ZNF609: variants seen among roughly 807,000 people sequenced by gnomAD.
ZNF609 encodes zinc finger protein 609.
ZNF609 carries 11 observed loss-of-function variants against 109.5 expected under a neutral mutation model. The observed-to-expected ratio is 0.10, with a 90% CI of 0.06 to 0.17. ZNF609 has a LOEUF of 0.17. Among genes scored for constraint, ZNF609 ranks in the 10% least tolerant of loss-of-function variants. The probability of loss-of-function intolerance (pLI) is 1.00; values close to 1 mark genes in which losing one functional copy is unlikely to be tolerated. For missense variants in ZNF609, 1,559 were observed against 1,772.4 expected, an observed-to-expected ratio of 0.88 and a Z score of 2.16; for synonymous variants, 646 against 662.0, an observed-to-expected ratio of 0.98 and a Z score of 0.37.
chr15:64,599,987 C>T (rs1895466542), intron 2 of ZNF609, among the ~76,000 whole-genome samples: 1 of 152,168 alleles, frequency 6.6e-6, no homozygotes, highest in Non-Finnish European at 1.5e-5. Context: ...CCTTTGTTCA[C>T]TTCTGTTATG....
intron 2 of ZNF609, among the ~76,000 whole-genome samples, chr15:64,542,809 C>T (rs1894289431): frequency 6.6e-6 from 1 of 152,200 alleles, no homozygotes; most frequent in Non-Finnish European, 1.5e-5. Context: ...TTTTTACCTG[C>T]ATCATTCCAG....
chr15:64,606,586 CT>C (rs1319449275), intron 2 of ZNF609, among the ~76,000 whole-genome samples: 3 of 146,798 alleles, frequency 2.0e-5, no homozygotes, highest in African/African-American at 7.5e-5. Context: ...AACAGAAAAA[CT>C]TTTTATAGAA....
intron 1 of ZNF609, among the ~76,000 whole-genome samples, chr15:64,464,315 T>A (rs57274748): frequency 0.016 from 2,418 of 152,310 alleles, 70 homozygotes; most frequent in African/African-American, 0.055. Context: ...GGAGGCTAAG[T>A]ATAGCAATGA....
rs768867830 is a variant in ZNF609 at position 64,678,471 on chromosome 15, A to G, written c.3758A>G (p.Gln1253Arg). ...CGGAGCATGCCTGCTGTGATGATGC[A>G]GAACTACCCAGGTACAGCACCAAGT... ...SYRSMPAVMM[Q>R]NYPGSYLPSS... Residue 1253 changes from glutamine (Q) to arginine (R), a missense_variant, in exon 6 of 10, where the codon CAG (glutamine) becomes CGG (arginine). Around this residue, in one of 4 missense-constraint regions of ZNF609, gnomAD observed 1,204 missense variants for 1,314.1 expected, o/e 0.92. Coordinates refer to ENST00000326648, the MANE Select transcript of ZNF609 (RefSeq NM_015042.2). The G allele has an allele frequency of 9.5e-6, 15 of 1,582,990 alleles. No individual in the cohort carries two copies. Among genetic ancestry groups the G allele is most frequent in the Non-Finnish European group, 1.3e-5 (15 of 1,163,676 alleles).
intron 2 of ZNF609, among the ~76,000 whole-genome samples, chr15:64,572,271 A>G (rs1041289285): frequency 2.0e-5 from 3 of 152,172 alleles, no homozygotes; most frequent in Admixed American, 2.0e-4. Flanking sequence ...CGAAGTAGGC[A>G]GATCGTTTGA....
chr15:64,528,654 T>C, intron 2 of ZNF609: 1 of 1,072,738 alleles, frequency 9.3e-7, no homozygotes, highest in Non-Finnish European at 1.4e-6. Flanking sequence ...GCTGGGCTGG[T>C]GGTCCAGGGG....
chr15:64,649,373 C>G (rs1896381833), intron 3 of ZNF609, among the ~76,000 whole-genome samples: 1 of 152,124 alleles, frequency 6.6e-6, no homozygotes, highest in Non-Finnish European at 1.5e-5. Context: ...AACTCTGTCT[C>G]ACACATACAC....
chr15:64,604,781 C>T lies in ZNF609; in HGVS notation c.748-18046C>T, dbSNP rs186832713. On this transcript the variant is annotated intron_variant, in intron 2 of 9. Transcript: ENST00000326648. ...TCTTTGCTTACCTCCATTCTGCTTT[C>T]CCCTAATTTGGCTTTATTTAATTTA... Among the ~76,000 whole-genome samples the T allele has an allele frequency of 1.4e-3, 215 of 152,208 alleles. 1 individual carries two copies. Among genetic ancestry groups the T allele is most frequent in the South Asian group, 4.4e-3 (21 of 4,820 alleles).
At chr15:64,618,658 G>A (rs541356482) in intron 2 of ZNF609, among the ~76,000 whole-genome samples, 4 of 152,224 alleles carry the variant, frequency 2.6e-5, no homozygotes, top group South Asian at 2.1e-4. Flanking sequence ...GCTACTCAGC[G>A]GCCCAGGCTC....
intron 2 of ZNF609, among the ~76,000 whole-genome samples, chr15:64,551,599 C>G (rs184163820): frequency 0.014 from 1,893 of 137,244 alleles, 43 homozygotes; most frequent in African/African-American, 0.046. Flanking sequence ...TTATGGTGAG[C>G]CGAGATCGCG....
intron 5 of ZNF609, 137 bp downstream of exon 5, chr15:64,676,393 A>T: frequency 1.5e-6 from 1 of 687,684 alleles, no homozygotes; most frequent in Non-Finnish European, 2.3e-6. Flanking sequence ...AGGATTCTTT[A>T]CCTTTGTAAA....
At chr15:64,553,066 C>G (rs1595716098) in intron 2 of ZNF609, among the ~76,000 whole-genome samples, 2 of 152,030 alleles carry the variant, frequency 1.3e-5, no homozygotes, top group South Asian at 4.1e-4. Context: ...ATCAGTTGAC[C>G]ATTTATCATA....
At chr15:64,603,547 G>T (rs525039) in intron 2 of ZNF609, among the ~76,000 whole-genome samples, 112,380 of 151,358 alleles carry the variant, frequency 0.74, 45,254 homozygotes, top group East Asian at 0.96. Flanking sequence ...GGGATTACAG[G>T]CGTGAGCCAC....
rs192570279 is a variant in ZNF609, at chr15:64,577,300, T to C, written c.748-45527T>C. Among the ~76,000 whole-genome samples, 17 of 30,376 alleles carry C rather than the reference T, an allele frequency of 5.6e-4. 8 individuals carry two copies. The highest frequency in any genetic ancestry group is 2.8e-3 in the Non-Finnish European group (15 of 5,282). The allele number at this position is 30,376 out of a possible 152,430, so 19.9% of individuals were successfully genotyped here. On this transcript the variant is annotated intron_variant, in intron 2 of 9. Coordinates refer to ENST00000326648, the MANE Select transcript of ZNF609 (RefSeq NM_015042.2). ...ATATGTATATATATACACACAAATA[T>C]ATACATATATGTATATATATACACA... is the stretch of plus-strand genomic sequence containing the variant.
intron 2 of ZNF609, among the ~76,000 whole-genome samples, chr15:64,567,951 G>C (rs1333440564): frequency 1.3e-5 from 2 of 151,726 alleles, no homozygotes; most frequent in African/African-American, 4.8e-5. Context: ...ATTAGCCACG[G>C]TACCCGGCTG....
intron 2 of ZNF609, among the ~76,000 whole-genome samples, chr15:64,555,389 G>A (rs2140397432): frequency 6.6e-6 from 1 of 152,114 alleles, no homozygotes; most frequent in South Asian, 2.1e-4. Context: ...ATTGGGCTGG[G>A]TGCAGTGGCG....
intron 2 of ZNF609, among the ~76,000 whole-genome samples, chr15:64,556,371 G>T (rs543849393): frequency 6.6e-6 from 1 of 150,526 alleles, no homozygotes; most frequent in Non-Finnish European, 1.5e-5. Flanking sequence ...GGTCTCAAGT[G>T]ATCTTCCCGC....
chr15:64,644,177 A>AG (rs1896298989), intron 3 of ZNF609, among the ~76,000 whole-genome samples: 3 of 152,000 alleles, frequency 2.0e-5, no homozygotes, highest in Non-Finnish European at 2.9e-5. Context: ...GTCCAAGACA[A>AG]ATTTTTTTTA....
chr15:64,584,545 C>T (rs1165450546), intron 2 of ZNF609, among the ~76,000 whole-genome samples: 3 of 152,102 alleles, frequency 2.0e-5, no homozygotes, highest in African/African-American at 4.8e-5. Flanking sequence ...AAGTAATCCA[C>T]CCACCCAGCC....
Sources: allele counts gnomAD v4.1 joint callset (sites outside exome capture counted in the v4.1 genomes callset), GRCh38; gene constraint gnomAD v4.1.1; regional missense constraint gnomAD v4.1.1; transcripts MANE v1.5; gene names NCBI Gene and HGNC (gene_info 2026-07-23, HGNC 2026-07-21).